The following WWOX variants were observed in gnomAD, a reference collection of about 807,000 sequenced individuals.
WWOX encodes the protein WW domain containing oxidoreductase, also known as WW domain-containing oxidoreductase.
WWOX carries 69 observed loss-of-function variants against 46.2 expected under a neutral mutation model. That is an observed-to-expected ratio of 1.49 (90% CI 1.23 to 1.82). WWOX has a LOEUF of 1.82. Among genes scored for constraint, WWOX ranks in the 40% most tolerant of loss-of-function variants. WWOX has a pLI of 0.00. For missense variants in WWOX, 919 were observed against 542.6 expected (o/e 1.69, Z -6.89); for synonymous variants, 359 against 202.6 (o/e 1.77, Z -6.56).
At chr16:78,576,025 G>A (rs1308135496) in intron 8 of WWOX, among the ~76,000 whole-genome samples, 3 of 151,786 alleles carry the variant, frequency 2.0e-5, no homozygotes, top group Non-Finnish European at 4.4e-5. Flanking sequence ...TTATTTATGA[G>A]GCTTTTTTTA....
Position 78,305,099 on chromosome 16 carries a change from C to G in WWOX, c.517-81761C>G, listed in dbSNP as rs1025232513. On this transcript the variant is annotated intron_variant, in intron 5 of 8. Coordinates refer to ENST00000566780, the MANE Select transcript of WWOX (RefSeq NM_016373.4). The stretch of plus-strand genomic sequence containing the variant: ...GGGAATCTGAATTCTGTCTTTTCTG[C>G]TGCTGTGGATTCTCAGTCCCCAAGT... Among the ~76,000 whole-genome samples, 28 of 152,280 alleles carry G rather than the reference C, an allele frequency of 1.8e-4. 1 individual carries two copies. The highest frequency in any genetic ancestry group is 8.3e-4 in the South Asian group (4 of 4,820).
intron 5 of WWOX, among the ~76,000 whole-genome samples, chr16:78,166,333 C>T (rs2034970144): frequency 6.6e-6 from 1 of 152,006 alleles, no homozygotes; most frequent in African/African-American, 2.4e-5. Flanking sequence ...TTTGTTATTC[C>T]AAGCAATGGT....
chr16:78,912,733 G>A (rs1289567052), intron 8 of WWOX, among the ~76,000 whole-genome samples: 1 of 151,928 alleles, frequency 6.6e-6, no homozygotes. Context: ...TTGTGATTAG[G>A]CAATGGTAAA....
intron 7 of WWOX, among the ~76,000 whole-genome samples, chr16:78,429,707 C>T (rs2083173380): frequency 6.6e-6 from 1 of 152,176 alleles, no homozygotes; most frequent in Admixed American, 6.5e-5. Flanking sequence ...GACACCTCTT[C>T]TGTAATACCT....
chr16:78,181,874 G>A (rs1269053514), intron 5 of WWOX, among the ~76,000 whole-genome samples: 1 of 152,074 alleles, frequency 6.6e-6, no homozygotes, highest in Non-Finnish European at 1.5e-5. Flanking sequence ...TAAACTGGAG[G>A]TATGGAAGGT....
intron 8 of WWOX, among the ~76,000 whole-genome samples, chr16:78,991,648 C>G: frequency 6.7e-6 from 1 of 148,214 alleles, no homozygotes; most frequent in Non-Finnish European, 1.5e-5. Context: ...GGTGGGGCCC[C>G]TTGGGTAACT....
chr16:79,034,695 C>T (rs1452643793), intron 8 of WWOX, among the ~76,000 whole-genome samples: 5 of 151,120 alleles, frequency 3.3e-5, no homozygotes, highest in African/African-American at 1.2e-4. Context: ...TTTTTCAAAG[C>T]ACTTAATTAT....
rs1567654949 is a variant in WWOX, at chr16:78,575,000, T to TATATATATATATATATATATATAA, written c.1056+142269_1056+142270insTAAATATATATATATATATATATA. ...ATATATTCAATATTTATTTTTCAAT[T>TATATATATATATATATATATATAA]ATATATATATATATATATATAAATA... is the stretch of plus-strand genomic sequence containing the variant. On this transcript the variant is annotated intron_variant, in intron 8 of 8. Coordinates refer to ENST00000566780, the MANE Select transcript of WWOX (RefSeq NM_016373.4). Among the ~76,000 whole-genome samples the TATATATATATATATATATATATAA allele has an allele frequency of 8.0e-4, 7 of 8,724 alleles. 1 individual carries two copies. Among genetic ancestry groups the TATATATATATATATATATATATAA allele is most frequent in the Non-Finnish European group, 1.4e-3 (7 of 4,988 alleles). 5.7% of individuals were successfully genotyped at this position (8,724 alleles called of 152,430 possible). A position where few individuals can be genotyped will look rare whatever the true frequency, so the allele number is the denominator to read the frequency against.
intron 8 of WWOX, among the ~76,000 whole-genome samples, chr16:78,726,488 C>T (rs1325072684): frequency 3.3e-5 from 5 of 152,086 alleles, no homozygotes; most frequent in Non-Finnish European, 5.9e-5. Flanking sequence ...CCTCCCTCAG[C>T]CTTCCAAAGT....
At chr16:78,549,319 A>G (rs1481348989) in intron 8 of WWOX, among the ~76,000 whole-genome samples, 2 of 152,218 alleles carry the variant, frequency 1.3e-5, no homozygotes, top group Admixed American at 6.5e-5. Context: ...GGAGCGTTCA[A>G]CCTGATTGAA....
At chr16:78,535,643 T>C (rs1452655304) in intron 8 of WWOX, 1 of 152,212 alleles carries the variant, frequency 6.6e-6, no homozygotes, top group African/African-American at 2.4e-5. Context: ...TGTTAGTGAA[T>C]AAAGGAAGTT....
chr16:78,494,575 G>C (rs936383506), intron 8 of WWOX, among the ~76,000 whole-genome samples: 3 of 152,176 alleles, frequency 2.0e-5, no homozygotes, highest in African/African-American at 7.2e-5. Flanking sequence ...ACATTCCAAA[G>C]ATCTTTTTCA....
intron 8 of WWOX, among the ~76,000 whole-genome samples, chr16:79,064,781 A>G (rs187329845): frequency 6.6e-6 from 1 of 152,322 alleles, no homozygotes; most frequent in Admixed American, 6.5e-5. Context: ...CATTCACAGC[A>G]CTGGGTGTGA....
In WWOX at chr16:78,845,193, A is replaced by G. The variant is rs192962765; in HGVS notation, c.1057-366415A>G. Reference sequence around the variant, plus strand: ...TCTATGGACTGGTCTTAAAAAAAAAAAAGAATCCATTCATAACTGTGAAAA... The same window carrying G: ...TCTATGGACTGGTCTTAAAAAAAAAGAAGAATCCATTCATAACTGTGAAAA... On this transcript the variant is annotated intron_variant, in intron 8 of 8. Transcript: ENST00000566780. Among the ~76,000 whole-genome samples the G allele has an allele frequency of 2.9e-4, 44 of 151,844 alleles. No individual in the cohort carries two copies. In the East Asian group the frequency reaches 7.9e-3, roughly 27 times the overall value.
At chr16:78,943,325 A>C (rs2045888379) in intron 8 of WWOX, among the ~76,000 whole-genome samples, 1 of 147,066 alleles carries the variant, frequency 6.8e-6, no homozygotes. Context: ...AAGCAACCCG[A>C]GATCCAAACC....
At chr16:79,148,430 T>C (rs1341016628) in intron 8 of WWOX, among the ~76,000 whole-genome samples, 1 of 152,206 alleles carries the variant, frequency 6.6e-6, no homozygotes, top group African/African-American at 2.4e-5. Context: ...TATGTGTCTG[T>C]CTCTCTGACA....
At chr16:79,123,216 A>T (rs913921992) in intron 8 of WWOX, among the ~76,000 whole-genome samples, 3 of 152,108 alleles carry the variant, frequency 2.0e-5, no homozygotes, top group African/African-American at 7.2e-5. Context: ...CACCACATGA[A>T]TAAAGCATGA....
intron 8 of WWOX, among the ~76,000 whole-genome samples, chr16:78,790,586 C>T (rs1012534003): frequency 1.3e-5 from 2 of 152,182 alleles, no homozygotes; most frequent in Admixed American, 1.3e-4. Context: ...TAAGCAGAAA[C>T]TGAAAAGAGG....
chr16:78,331,674 CAGG>C (rs1417098702), intron 5 of WWOX, among the ~76,000 whole-genome samples: 1 of 152,174 alleles, frequency 6.6e-6, no homozygotes, highest in Non-Finnish European at 1.5e-5. Context: ...GTAAATGACA[CAGG>C]AGACAGGGAA....
Sources: gnomAD v4.1 joint callset for allele counts (sites outside exome capture counted in the v4.1 genomes callset) on GRCh38, gnomAD v4.1.1 for gene constraint, MANE v1.5 for transcripts, NCBI Gene and HGNC (gene_info 2026-07-23, HGNC 2026-07-21) for gene names.